RNF180: variants seen among roughly 807,000 people sequenced by gnomAD.
RNF180 encodes the protein E3 ubiquitin-protein ligase RNF180.
A neutral mutation model predicts 59.2 loss-of-function variants in RNF180; 38 were observed. That is an observed-to-expected ratio of 0.64 (90% CI 0.50 to 0.84). RNF180 has a LOEUF of 0.84. Among genes scored for constraint, RNF180 ranks in the 40% least tolerant of loss-of-function variants. The pLI is 0.00. For missense variants in RNF180, 705 were observed against 700.9 expected, an observed-to-expected ratio of 1.01 and a Z score of -0.07; for synonymous variants, 262 against 240.3, an observed-to-expected ratio of 1.09 and a Z score of -0.84.
At chr5:64,311,191 C>CTT (rs938568839) in intron 5 of RNF180, among the ~76,000 whole-genome samples, 18 of 151,896 alleles carry the variant, frequency 1.2e-4, no homozygotes, top group African/African-American at 4.3e-4. Context: ...CTCTACCAAA[C>CTT]AAAAGAAAAT....
chr5:64,204,891 G>T (rs1026956629), intron 2 of RNF180, among the ~76,000 whole-genome samples: 2 of 152,058 alleles, frequency 1.3e-5, no homozygotes, highest in African/African-American at 4.8e-5. Flanking sequence ...CATCCTGAGG[G>T]TGCCCTGGGC....
chr5:64,287,244 C>T lies in RNF180; in HGVS notation c.1228-37942C>T, dbSNP rs182844517. ...CCTCCCAAAGTGCTGGGATTACAGA[C>T]GTGAGCCACCGTGCCTAGTCCGAAT... On this transcript the variant is annotated intron_variant, in intron 5 of 7. Coordinates refer to ENST00000389100, the MANE Select transcript of RNF180 (RefSeq NM_001113561.2). 1.0e-3 allele frequency among the ~76,000 whole-genome samples: 154 copies of T among 152,260 alleles called. 2 individuals carry two copies. In the East Asian group the frequency reaches 0.017, roughly 17 times the overall value.
At chr5:64,320,137 G>C (rs907398192) in intron 5 of RNF180, among the ~76,000 whole-genome samples, 1 of 152,198 alleles carries the variant, frequency 6.6e-6, no homozygotes, top group Admixed American at 6.5e-5. Context: ...AGCTGATTTT[G>C]ATAGGCAGTA....
intron 5 of RNF180, among the ~76,000 whole-genome samples, chr5:64,257,008 G>T (rs1157864051): frequency 1.3e-5 from 2 of 151,320 alleles, no homozygotes; most frequent in African/African-American, 4.8e-5. Context: ...CTGTTTGTCT[G>T]TTATTGGTGT....
intron 1 of RNF180, among the ~76,000 whole-genome samples, chr5:64,192,924 TATATATATATATATAA>T (rs1317159729): frequency 2.8e-5 from 4 of 140,470 alleles, no homozygotes; most frequent in East Asian, 4.2e-4. Context: ...TATATATATA[TATATATATATATATAA>T]AATGAAACAT....
At chr5:64,243,165 T>G (rs190614974) in intron 5 of RNF180, among the ~76,000 whole-genome samples, 159 of 152,246 alleles carry the variant, frequency 1.0e-3, no homozygotes, top group Non-Finnish European at 1.7e-3. Flanking sequence ...GGGTGGCCAT[T>G]TGAGCAGACA....
At chr5:64,240,804 C>T (rs972495794) in intron 5 of RNF180, among the ~76,000 whole-genome samples, 3 of 152,338 alleles carry the variant, frequency 2.0e-5, no homozygotes, top group Admixed American at 6.5e-5. Context: ...TCAAATGTCA[C>T]TTCCTTAGAA....
At chr5:64,192,220 A>C (rs577060674) in intron 1 of RNF180, among the ~76,000 whole-genome samples, 1 of 151,750 alleles carries the variant, frequency 6.6e-6, no homozygotes, top group Non-Finnish European at 1.5e-5. Flanking sequence ...AAGGGTTCTT[A>C]ATATCAGTAA....
At chr5:64,341,235 A>G (rs1233282417) in intron 7 of RNF180, among the ~76,000 whole-genome samples, 8 of 152,198 alleles carry the variant, frequency 5.3e-5, no homozygotes, top group Admixed American at 2.6e-4. Context: ...CTTGGCCCAG[A>G]GCTCACAATT....
At chr5:64,282,246 G>C (rs952354669) in intron 5 of RNF180, among the ~76,000 whole-genome samples, 4 of 152,130 alleles carry the variant, frequency 2.6e-5, no homozygotes, top group Admixed American at 6.5e-5. Flanking sequence ...GGTCTGTTCA[G>C]AGTTTTAATT....
chr5:64,321,284 A>G (rs1744335425), intron 5 of RNF180, among the ~76,000 whole-genome samples: 1 of 152,196 alleles, frequency 6.6e-6, no homozygotes. Flanking sequence ...CCATAGTCTC[A>G]GCCCAAAACC....
chr5:64,267,474 G>T (rs1744747377), intron 5 of RNF180, among the ~76,000 whole-genome samples: 1 of 151,900 alleles, frequency 6.6e-6, no homozygotes, highest in African/African-American at 2.4e-5. Context: ...CTAGCATTAG[G>T]TATATCTCCC....
intron 1 of RNF180, among the ~76,000 whole-genome samples, chr5:64,179,529 T>C (rs1750453865): frequency 6.6e-6 from 1 of 152,198 alleles, no homozygotes; most frequent in Admixed American, 6.5e-5. Context: ...TTCTTTAATG[T>C]GTATATTTCT....
chr5:64,185,015 C>T (rs1367187853), intron 1 of RNF180, among the ~76,000 whole-genome samples: 3 of 152,130 alleles, frequency 2.0e-5, no homozygotes, highest in Admixed American at 2.0e-4. Context: ...TCCTGACTGT[C>T]CTTTCTGTTT....
intron 5 of RNF180, 54 bp downstream of exon 5, chr5:64,217,450 T>G: frequency 7.5e-7 from 1 of 1,338,172 alleles, no homozygotes; most frequent in Non-Finnish European, 9.6e-7. Flanking sequence ...CCAGAATGGC[T>G]GTACCATTTT....
intron 7 of RNF180, among the ~76,000 whole-genome samples, chr5:64,364,456 C>T (rs762178321): frequency 2.8e-4 from 42 of 151,748 alleles, no homozygotes; most frequent in Non-Finnish European, 5.5e-4. Flanking sequence ...TTTTGATGTG[C>T]TGATAAATTC....
At chr5:64,265,229 A>C (rs994365515) in intron 5 of RNF180, among the ~76,000 whole-genome samples, 3 of 152,110 alleles carry the variant, frequency 2.0e-5, no homozygotes, top group African/African-American at 7.2e-5. Flanking sequence ...TCTTTAGTTT[A>C]ATTAGATCCC....
chr5:64,289,174 G>A (rs934659760), intron 5 of RNF180, among the ~76,000 whole-genome samples: 11 of 152,008 alleles, frequency 7.2e-5, no homozygotes, highest in African/African-American at 2.7e-4. Context: ...TTTAGTTCTG[G>A]TTATGTGAGA....
intron 5 of RNF180, among the ~76,000 whole-genome samples, chr5:64,276,316 A>G (rs1444767140): frequency 9.3e-6 from 1 of 107,122 alleles, no homozygotes; most frequent in Non-Finnish European, 1.9e-5. Context: ...CAAAAAATAC[A>G]TTGGTGTGTG....
Sources: allele counts gnomAD v4.1 joint callset (sites outside exome capture counted in the v4.1 genomes callset), GRCh38; gene constraint gnomAD v4.1.1; transcripts MANE v1.5; gene names NCBI Gene and HGNC (gene_info 2026-07-23, HGNC 2026-07-21).